The following COTL1 variants were observed in gnomAD, a reference collection of about 807,000 sequenced individuals.
The protein encoded by COTL1 is coactosin like F-actin binding protein 1.
In COTL1, 15 loss-of-function variants were observed where a neutral mutation model predicts 16.5. The ratio of observed to expected loss-of-function variants is 0.91; its 90% CI spans 0.61 to 1.40. COTL1 has a LOEUF of 1.40. Among genes scored for constraint, COTL1 ranks in the 40% most tolerant of loss-of-function variants. The probability of loss-of-function intolerance (pLI) is 0.00; values close to 1 mark genes in which losing one functional copy is unlikely to be tolerated. For missense variants in COTL1, 220 were observed against 201.5 expected (o/e 1.09, Z -0.56); for synonymous variants, 112 against 85.3 (o/e 1.31, Z -1.73).
At chr16:84,588,715 C>T (rs1472841321) in intron 3 of COTL1, among the ~76,000 whole-genome samples, 1 of 152,150 alleles carries the variant, frequency 6.6e-6, no homozygotes, top group South Asian at 2.1e-4. Context: ...ATTATTAATA[C>T]TATGTTGCCC....
At chr16:84,597,793 A>G (rs559624271) in intron 2 of COTL1, among the ~76,000 whole-genome samples, 4 of 152,336 alleles carry the variant, frequency 2.6e-5, no homozygotes, top group South Asian at 2.1e-4. Context: ...AGCTTCCTGC[A>G]GAGTCCGTGG....
chr16:84,589,715 G>A (rs1237007139), intron 3 of COTL1, among the ~76,000 whole-genome samples: 1 of 152,066 alleles, frequency 6.6e-6, no homozygotes, highest in Non-Finnish European at 1.5e-5. Context: ...TTCAGAGAGG[G>A]TACAAATGAA....
At chr16:84,613,319 A>G (rs1460601359) in intron 2 of COTL1, among the ~76,000 whole-genome samples, 2 of 152,084 alleles carry the variant, frequency 1.3e-5, no homozygotes, top group Admixed American at 1.3e-4. Flanking sequence ...TCTGATTCCA[A>G]AGTGTACTCA....
intron 2 of COTL1, among the ~76,000 whole-genome samples, chr16:84,610,642 G>A (rs1029254291): frequency 1.3e-5 from 2 of 152,156 alleles, no homozygotes; most frequent in Non-Finnish European, 2.9e-5. Flanking sequence ...TCTGGGTTAT[G>A]TGCACTCTCA....
chr16:84,587,053 A>G (rs955549863), intron 3 of COTL1, among the ~76,000 whole-genome samples: 1 of 152,032 alleles, frequency 6.6e-6, no homozygotes, highest in South Asian at 2.1e-4. Flanking sequence ...TCAGCAGGAG[A>G]CCTTTGGCCA....
intron 2 of COTL1, chr16:84,615,862 T>TGTGC (rs1282920705): frequency 1.3e-5 from 2 of 151,260 alleles, no homozygotes; most frequent in Admixed American, 6.6e-5. Flanking sequence ...TTTGTGTGTG[T>TGTGC]GTGTGTGTGT....
chr16:84,580,420 C>T (rs1288193086), intron 3 of COTL1, among the ~76,000 whole-genome samples: 1 of 152,084 alleles, frequency 6.6e-6, no homozygotes, highest in Non-Finnish European at 1.5e-5. Context: ...CTAATTTTTT[C>T]ATATATTTTT....
intron 2 of COTL1, among the ~76,000 whole-genome samples, chr16:84,597,858 C>T (rs1905038685): frequency 6.6e-6 from 1 of 152,158 alleles, no homozygotes; most frequent in Non-Finnish European, 1.5e-5. Flanking sequence ...TGCTCCCTCC[C>T]CAAAATCCCA....
At chr16:84,595,402 C>G (rs527654682) in intron 2 of COTL1, 1 of 152,246 alleles carries the variant, frequency 6.6e-6, no homozygotes, top group Non-Finnish European at 1.5e-5. Flanking sequence ...TGTTGGTCTG[C>G]GCACCGTTTT....
rs1426439783 is a variant in COTL1, at chr16:84,617,831, T to C, written c.77+7A>G. ...GCGGGGCGTGGAGACGAATGAAAAG[T>C]TCCTACCAGATGACGGCCGAGCCGT... is the stretch of plus-strand genomic sequence containing the variant. On this transcript the variant is annotated splice_region_variant and intron_variant, in intron 1 of 3. Coordinates refer to ENST00000262428, the MANE Select transcript of COTL1 (RefSeq NM_021149.5). 1 of 1,569,550 alleles carries C rather than the reference T, an allele frequency of 6.4e-7. No homozygotes were observed. Among genetic ancestry groups the C allele is most frequent in the Admixed American group, 1.9e-5 (1 of 52,782 alleles).
chr16:84,588,330 T>A (rs928164427), intron 3 of COTL1, among the ~76,000 whole-genome samples: 2 of 152,160 alleles, frequency 1.3e-5, no homozygotes, highest in African/African-American at 4.8e-5. Flanking sequence ...AACACACACA[T>A]ACATATTTCA....
intron 3 of COTL1, among the ~76,000 whole-genome samples, chr16:84,569,842 G>T (rs1398655636): frequency 1.3e-5 from 2 of 152,234 alleles, no homozygotes; most frequent in Non-Finnish European, 2.9e-5. Flanking sequence ...GCTTTCAGAA[G>T]GAGGAAGCCA....
chr16:84,610,857 G>T (rs748792406), intron 2 of COTL1, among the ~76,000 whole-genome samples: 1 of 139,220 alleles, frequency 7.2e-6, no homozygotes, highest in Non-Finnish European at 1.6e-5. Flanking sequence ...CAGGGCACCT[G>T]CCTCCAACCA....
intron 2 of COTL1, among the ~76,000 whole-genome samples, chr16:84,610,721 G>A (rs917222255): frequency 3.9e-5 from 6 of 151,930 alleles, no homozygotes; most frequent in African/African-American, 1.5e-4. Flanking sequence ...AGGAGGGAAT[G>A]CTGGACAGAA....
Position 84,575,685 on chromosome 16 carries a change from T to A in COTL1, c.319-8730A>T, listed in dbSNP as rs886420394. 5.9e-5 allele frequency: 9 copies of A among 152,296 alleles called. No individual in the cohort carries two copies. In the East Asian group the frequency reaches 1.7e-3, roughly 29 times the overall value. The allele number at this position is 152,296 out of a possible 1,614,324, so 9.4% of individuals were successfully genotyped here. ...TTTTCATTTTTTAATGGCTCCCAAC[T>A]GCCCAGGTTTAAACCCCAGCATGCT... is the stretch of plus-strand genomic sequence containing the variant. On this transcript the variant is annotated intron_variant, in intron 3 of 3. Coordinates refer to ENST00000262428, the MANE Select transcript of COTL1 (RefSeq NM_021149.5).
intron 2 of COTL1, among the ~76,000 whole-genome samples, chr16:84,612,481 G>A (rs2150697643): frequency 6.6e-6 from 1 of 152,146 alleles, no homozygotes; most frequent in African/African-American, 2.4e-5. Context: ...AGTGCTATCA[G>A]AGTAAAAATA....
intron 2 of COTL1, among the ~76,000 whole-genome samples, chr16:84,614,284 C>T (rs762572512): frequency 1.3e-5 from 2 of 152,196 alleles, no homozygotes; most frequent in Non-Finnish European, 2.9e-5. Flanking sequence ...GGCCGGGAGC[C>T]AGGCAAGCTC....
At chr16:84,577,087 T>C (rs543040751) in intron 3 of COTL1, 1 of 152,286 alleles carries the variant, frequency 6.6e-6, no homozygotes, top group East Asian at 1.9e-4. Flanking sequence ...CACACAGCTA[T>C]GAAACCCACT....
chr16:84,608,919 A>G (rs1432471583), intron 2 of COTL1, among the ~76,000 whole-genome samples: 3 of 152,198 alleles, frequency 2.0e-5, no homozygotes, highest in African/African-American at 7.2e-5. Context: ...ATTAAATTAA[A>G]TTAAAAACCC....
Sources: allele counts gnomAD v4.1 joint callset (sites outside exome capture counted in the v4.1 genomes callset), GRCh38; gene constraint gnomAD v4.1.1; transcripts MANE v1.5; gene names NCBI Gene and HGNC (gene_info 2026-07-23, HGNC 2026-07-21).